The following STAT6 variants were observed in gnomAD, a reference collection of about 807,000 sequenced individuals.
STAT6 encodes signal transducer and activator of transcription 6, also known as STAT, interleukin4-induced.
In STAT6, 45 loss-of-function variants were observed where a neutral mutation model predicts 106.3. The ratio of observed to expected loss-of-function variants is 0.42; its 90% CI spans 0.33 to 0.54. The LOEUF (loss-of-function observed/expected upper bound fraction) is 0.54. Ranked by LOEUF, STAT6 falls within the 20% of genes least tolerant of loss-of-function variation. STAT6 has a pLI of 0.06. For synonymous variants in STAT6, 413 were observed against 413.6 expected, an observed-to-expected ratio of 1.00 and a Z score of 0.02; for missense variants, 797 against 1,062.2, an observed-to-expected ratio of 0.75 and a Z score of 3.47.
At chr12:57,107,180 G>A in intron 4 of STAT6, 51 bp downstream of exon 4, 4 of 1,568,690 alleles carry the variant, frequency 2.5e-6, no homozygotes, top group South Asian at 2.2e-5. Flanking sequence ...CATGGCTCAG[G>A]CCAAAGTCTC....
In STAT6 at chr12:57,106,690, C is replaced by A. The variant is rs760591117; in HGVS notation, c.478+3G>T. On this transcript the variant is annotated splice_donor_region_variant and intron_variant, in intron 5 of 21. Coordinates refer to ENST00000300134, the MANE Select transcript of STAT6 (RefSeq NM_003153.5). ...CACTCCCCAGAACCACCCTGGCCCC[C>A]ACCTTGGCCAGCCTCAGCCCCCTTC... 1 of 1,614,140 alleles carries A rather than the reference C, an allele frequency of 6.2e-7. No individual in the cohort carries two copies. The highest frequency in any genetic ancestry group is 1.7e-5 in the Admixed American group (1 of 60,026).
intron 2 of STAT6, 86 bp from the exon 3 acceptor site, chr12:57,107,829 G>A (rs1213673128): frequency 1.9e-6 from 3 of 1,566,724 alleles, no homozygotes; most frequent in African/African-American, 2.7e-5. Flanking sequence ...AAGCTCAGCA[G>A]TTCCTTTCTC....
Position 57,104,794 on chromosome 12 carries a change from T to TG in STAT6, c.1020dup (p.Ile341HisfsTer32). ...TTCTCCAAGGGCACAGTGTTGTTGA[T>TG]GATTTCTCCAGTGCTTTCTCTGCCA... On this transcript the variant is annotated frameshift_variant, in exon 10 of 22. Coordinates refer to ENST00000300134, the MANE Select transcript of STAT6 (RefSeq NM_003153.5). LOFTEE classifies it high-confidence loss of function. The TG allele has an allele frequency of 6.2e-7, 1 of 1,614,150 alleles. No homozygotes were observed. The highest frequency in any genetic ancestry group is 8.5e-7 in the Non-Finnish European group (1 of 1,180,018).
rs201086579 is a variant in STAT6, at chr12:57,100,638, GAGAAAGAAAGAAAGAAAGAAAGAA to G, written c.1513-572_1513-549del. Reference sequence around the variant, plus strand: ...AGAAAGAAAAAGAGAGAAAGAGAAAGAGAAAGAAAGAAAGAAAGAAAGAAAGAAAGAAAGAAAGAAAGAAAGAAA... The same window carrying G: ...AGAAAGAAAAAGAGAGAAAGAGAAAGAGAAAGAAAGAAAGAAAGAAAGAAA... On this transcript the variant is annotated intron_variant, in intron 13 of 21. Coordinates refer to ENST00000300134, the MANE Select transcript of STAT6 (RefSeq NM_003153.5). 1.8e-3 allele frequency among the ~76,000 whole-genome samples: 176 copies of G among 100,114 alleles called. 3 individuals are homozygous for G. Among genetic ancestry groups the G allele is most frequent in the Non-Finnish European group, 1.5e-3 (74 of 50,718 alleles). The allele number at this position is 100,114 out of a possible 152,430, so 65.7% of individuals were successfully genotyped here.
chr12:57,097,954 A>G (rs1458834215), intron 19 of STAT6, among the ~76,000 whole-genome samples: 2 of 152,092 alleles, frequency 1.3e-5, no homozygotes, highest in Non-Finnish European at 2.9e-5. Flanking sequence ...TTATGTTACT[A>G]TTTCCTTATA....
intron 11 of STAT6, chr12:57,103,636 T>G (rs1157434653): frequency 6.6e-6 from 1 of 152,498 alleles, no homozygotes; most frequent in East Asian, 1.9e-4. Flanking sequence ...GGCGCAATCT[T>G]GGCTCACTGC....
chr12:57,100,821 G>A (rs532493296), intron 13 of STAT6: 13 of 451,654 alleles, frequency 2.9e-5, no homozygotes, highest in Middle Eastern at 3.3e-4. Flanking sequence ...GAAATATGTG[G>A]TTCTCTCCTA....
intron 12 of STAT6, 85 bp from the exon 13 acceptor site, chr12:57,102,581 T>C (rs888270585): frequency 1.4e-6 from 2 of 1,413,456 alleles, no homozygotes; most frequent in African/African-American, 2.8e-5. Context: ...CACCTGCCTG[T>C]GGCCTACCCC....
chr12:57,107,337 C>T, intron 3 of STAT6, 23 bp from the exon 4 acceptor site: 1 of 1,607,394 alleles, frequency 6.2e-7, no homozygotes, highest in Non-Finnish European at 8.5e-7. Context: ...GGGTGGTAAA[C>T]AGTGAGCTTT....
Position 57,095,922 on chromosome 12 carries a change from C to T in STAT6, c.*650G>A, listed in dbSNP as rs1484678377. ...CACAGCTATACACGAAGAATCTCAG[C>T]CCTTGTACTTTTGCATAGTCTCATA... On this transcript the variant is annotated 3_prime_UTR_variant, in exon 22 of 22. Transcript: ENST00000300134. 6.6e-6 allele frequency: 1 copy of T among 152,364 alleles called. No homozygotes were observed. The highest frequency in any genetic ancestry group is 1.9e-4 in the East Asian group (1 of 5,198). 9.4% of individuals were successfully genotyped at this position (152,364 alleles called of 1,614,324 possible).
intron 11 of STAT6, chr12:57,103,870 G>C (rs2034111126): frequency 6.5e-6 from 1 of 152,978 alleles, no homozygotes; most frequent in Non-Finnish European, 1.5e-5. Flanking sequence ...CAGCCGGACA[G>C]GGGTTTCTTA....
At position 57,099,556 on chromosome 12, in the gene STAT6, G is replaced by A; in HGVS notation, c.1745-116C>T. On this transcript the variant is annotated intron_variant, in intron 15 of 21. Coordinates refer to ENST00000300134, the MANE Select transcript of STAT6 (RefSeq NM_003153.5). The surrounding 1 kb of genome is among the most constrained non-coding windows in gnomAD (Gnocchi z 4.7). ...AGGCAAGGGAGAGAGGACCTAGGGT[G>A]GGGCTCCTGAGGGAGAGAGACCCAC... 6.8e-7 allele frequency: 1 copy of A among 1,477,442 alleles called. No homozygotes were observed. 91.5% of individuals were successfully genotyped at this position (1,477,442 alleles called of 1,614,324 possible). A position where few individuals can be genotyped will look rare whatever the true frequency, so the allele number is the denominator to read the frequency against.
chr12:57,105,657 A>G, intron 7 of STAT6, 58 bp from the exon 8 acceptor site: 2 of 1,574,788 alleles, frequency 1.3e-6, no homozygotes, highest in Non-Finnish European at 1.7e-6. Context: ...TCCGGCCCAG[A>G]CCCCCTTCCC....
chr12:57,109,219 A>G (rs1275747007), intron 1 of STAT6, among the ~76,000 whole-genome samples: 1 of 152,122 alleles, frequency 6.6e-6, no homozygotes, highest in East Asian at 1.9e-4. Context: ...ATAAATAAAT[A>G]AATGAAATAA....
chr12:57,105,805 C>T, intron 7 of STAT6: 2 of 904,146 alleles, frequency 2.2e-6, no homozygotes, highest in Non-Finnish European at 3.2e-6. Flanking sequence ...TCAGTGCCTA[C>T]ACCCCCTGTG....
chr12:57,101,872 C>T lies in STAT6; in HGVS notation c.1512+418G>A, dbSNP rs186964679. Among the ~76,000 whole-genome samples, 582 of 152,188 alleles carry T rather than the reference C, an allele frequency of 3.8e-3. 2 individuals are homozygous for T. The highest frequency in any genetic ancestry group is 0.014 in the African/African-American group (563 of 41,522). On this transcript the variant is annotated intron_variant, in intron 13 of 21. Transcript: ENST00000300134. The stretch of plus-strand genomic sequence containing the variant: ...TAGAGATGGAGTTTCACCATGTTGG[C>T]CAGGCTGGTCTCAAACTCCTGACCT...
At chr12:57,110,924 G>A (rs1013438531) in intron 1 of STAT6, among the ~76,000 whole-genome samples, 3 of 152,026 alleles carry the variant, frequency 2.0e-5, no homozygotes, top group Non-Finnish European at 2.9e-5. Flanking sequence ...CATGGGGGAG[G>A]GGAGTACTGA....
rs2034342066 is a variant in STAT6, at chr12:57,107,413, AG to A, written c.256-100del. ...TGCATTCACACATATACTATAAGGA[AG>A]CACAACTGTAGACTCCAGAAGTTTT... On this transcript the variant is annotated intron_variant, in intron 3 of 21. Transcript: ENST00000300134. 15 of 1,348,782 alleles carry A rather than the reference AG, an allele frequency of 1.1e-5. 1 individual carries two copies. The South Asian group carries it at 1.8e-4, about 16-fold the overall frequency. 83.6% of individuals were successfully genotyped at this position (1,348,782 alleles called of 1,614,324 possible). A position where few individuals can be genotyped will look rare whatever the true frequency, so the allele number is the denominator to read the frequency against.
At chr12:57,102,964 C>G (rs776061066) in intron 11 of STAT6, 43 bp from the exon 12 acceptor site, 3 of 279,906 alleles carry the variant, frequency 1.1e-5, no homozygotes, top group Non-Finnish European at 1.7e-5. Flanking sequence ...TTCTTTCTTT[C>G]CTTTTTTTTT....
Sources: allele counts gnomAD v4.1 joint callset (sites outside exome capture counted in the v4.1 genomes callset), GRCh38; gene constraint gnomAD v4.1.1; non-coding constraint Gnocchi (gnomAD v3.1); transcripts MANE v1.5; gene names NCBI Gene and HGNC (gene_info 2026-07-23, HGNC 2026-07-21).